The following TMEM117 variants were observed in gnomAD, a reference collection of about 807,000 sequenced individuals.
TMEM117 encodes the protein transmembrane protein 117.
TMEM117 carries 27 observed loss-of-function variants against 52.4 expected under a neutral mutation model. The observed-to-expected ratio is 0.51, with a 90% CI of 0.38 to 0.71. TMEM117 has a LOEUF of 0.71. Ranked by LOEUF, TMEM117 falls within the 30% of genes least tolerant of loss-of-function variation. TMEM117 has a pLI of 0.00. For synonymous variants in TMEM117, 215 were observed against 206.3 expected, an observed-to-expected ratio of 1.04 and a Z score of -0.36; for missense variants, 556 against 630.5, an observed-to-expected ratio of 0.88 and a Z score of 1.26.
chr12:43,821,831 G>A, the TMEM117 span, among the ~76,000 whole-genome samples: 3 of 152,112 alleles, frequency 2.0e-5, no homozygotes, highest in Admixed American at 6.5e-5. Context: ...TGTTTTTAGC[G>A]GAGAAGGGCA....
intron 4 of TMEM117, among the ~76,000 whole-genome samples, chr12:44,177,834 C>T (rs1949137194): frequency 6.6e-6 from 1 of 152,110 alleles, no homozygotes; most frequent in African/African-American, 2.4e-5. Context: ...ATGGAAATCT[C>T]ATTACCTCAC....
intron 6 of TMEM117, among the ~76,000 whole-genome samples, chr12:44,339,909 A>G (rs1468863256): frequency 4.6e-5 from 7 of 151,978 alleles, no homozygotes; most frequent in Non-Finnish European, 7.4e-5. Context: ...GAACCTGACA[A>G]TTCTACATTT....
intron 4 of TMEM117, among the ~76,000 whole-genome samples, chr12:44,164,821 G>A (rs146224923): frequency 3.6e-4 from 55 of 152,220 alleles, no homozygotes; most frequent in Admixed American, 1.6e-3. Flanking sequence ...CATACTTATG[G>A]ATACATGTGA....
chr12:43,797,659 T>A, the TMEM117 span: 1 of 1,592,532 alleles, frequency 6.3e-7, no homozygotes, highest in Non-Finnish European at 8.5e-7. Context: ...ATATGAGTCA[T>A]AAACTACCAA....
At chr12:43,969,185 ATC>A (rs931083119) in intron 3 of TMEM117, among the ~76,000 whole-genome samples, 21 of 151,992 alleles carry the variant, frequency 1.4e-4, no homozygotes, top group African/African-American at 5.1e-4. Context: ...TGTGATAGAT[ATC>A]TGTTAGTGTA....
At chr12:43,915,753 A>G (rs925685344) in intron 2 of TMEM117, among the ~76,000 whole-genome samples, 5 of 141,762 alleles carry the variant, frequency 3.5e-5, no homozygotes, top group African/African-American at 1.4e-4. Context: ...AGAAAGAAAA[A>G]GAAAGAAAGA....
In TMEM117 at chr12:44,298,447, A is replaced by G. The variant is rs976590655; in HGVS notation, c.609-1133A>G. On this transcript the variant is annotated intron_variant, in intron 5 of 7. Transcript: ENST00000266534. ...TTTTTTCTTCTTATAATTCTAAACA[A>G]TATCTAGCCATCAATATAGCCCTGA... 6.0e-5 allele frequency among the ~76,000 whole-genome samples: 9 copies of G among 150,212 alleles called. 1 individual carries two copies. The highest frequency in any genetic ancestry group is 2.3e-4 in the African/African-American group (9 of 39,700).
the TMEM117 span, among the ~76,000 whole-genome samples, chr12:43,806,800 A>G: frequency 6.6e-6 from 1 of 152,206 alleles, no homozygotes; most frequent in African/African-American, 2.4e-5. Context: ...AAATTTTTCC[A>G]CGATTTTAAA....
At chr12:44,365,294 A>G (rs1019346812) in intron 6 of TMEM117, among the ~76,000 whole-genome samples, 2 of 151,942 alleles carry the variant, frequency 1.3e-5, no homozygotes, top group Non-Finnish European at 2.9e-5. Context: ...GTAGCAAAAA[A>G]TCCTAAGAAA....
chr12:44,105,102 AAGCTT>A (rs1363775056), intron 3 of TMEM117, among the ~76,000 whole-genome samples: 3 of 151,884 alleles, frequency 2.0e-5, no homozygotes, highest in Non-Finnish European at 4.4e-5. Flanking sequence ...TAGTCCCACT[AAGCTT>A]ACATTACACC....
At chr12:44,210,295 T>C (rs1949628604) in intron 4 of TMEM117, among the ~76,000 whole-genome samples, 2 of 152,110 alleles carry the variant, frequency 1.3e-5, no homozygotes, top group African/African-American at 4.8e-5. Context: ...ATGTAACACT[T>C]TTTTAAAGGA....
At chr12:43,980,939 G>A (rs1051466647) in intron 3 of TMEM117, among the ~76,000 whole-genome samples, 7 of 152,170 alleles carry the variant, frequency 4.6e-5, no homozygotes, top group Non-Finnish European at 1.0e-4. Context: ...AGTCCTGAGT[G>A]TGAATGATCA....
intron 5 of TMEM117, among the ~76,000 whole-genome samples, chr12:44,226,352 T>C (rs1312721566): frequency 6.6e-6 from 1 of 152,136 alleles, no homozygotes; most frequent in Non-Finnish European, 1.5e-5. Context: ...GCCCTTGAAA[T>C]AGCATGGTGA....
intron 3 of TMEM117, among the ~76,000 whole-genome samples, chr12:44,042,252 A>G (rs181232709): frequency 1.2e-3 from 183 of 151,042 alleles, no homozygotes; most frequent in African/African-American, 4.3e-3. Flanking sequence ...TTCATGTTTG[A>G]TAATTACAGT....
At chr12:44,041,717 C>A (rs1435288707) in intron 3 of TMEM117, among the ~76,000 whole-genome samples, 1 of 152,038 alleles carries the variant, frequency 6.6e-6, no homozygotes, top group Non-Finnish European at 1.5e-5. Flanking sequence ...ATACAAAATT[C>A]CTCAAAAAAT....
At chr12:44,240,101 A>G (rs942745832) in intron 5 of TMEM117, among the ~76,000 whole-genome samples, 1 of 152,142 alleles carries the variant, frequency 6.6e-6, no homozygotes, top group Non-Finnish European at 1.5e-5. Context: ...CATTTAACTG[A>G]GAGTGACAGA....
At chr12:44,341,798 T>A (rs1951421345) in intron 6 of TMEM117, among the ~76,000 whole-genome samples, 1 of 152,118 alleles carries the variant, frequency 6.6e-6, no homozygotes, top group African/African-American at 2.4e-5. Flanking sequence ...GGATATTGAA[T>A]CTAGAAGAGT....
At chr12:44,282,512 A>G (rs1004609409) in intron 5 of TMEM117, among the ~76,000 whole-genome samples, 1 of 152,234 alleles carries the variant, frequency 6.6e-6, no homozygotes, top group Non-Finnish European at 1.5e-5. Flanking sequence ...GTTATGTTTT[A>G]GCAAAGAGAC....
chr12:44,251,854 G>T (rs1294843831), intron 5 of TMEM117, among the ~76,000 whole-genome samples: 2 of 152,132 alleles, frequency 1.3e-5, no homozygotes, highest in Non-Finnish European at 2.9e-5. Flanking sequence ...TTAAAATGTG[G>T]ATTGGATCAG....
Sources: allele counts gnomAD v4.1 joint callset (sites outside exome capture counted in the v4.1 genomes callset), GRCh38; gene constraint gnomAD v4.1.1; transcripts MANE v1.5; gene names NCBI Gene and HGNC (gene_info 2026-07-23, HGNC 2026-07-21).